Variants in CSMD1 observed in about 807,000 individuals in gnomAD.
CSMD1 encodes CUB and sushi domain-containing protein 1.
In CSMD1, 213 loss-of-function variants were observed where a neutral mutation model predicts 417.5. The ratio of observed to expected loss-of-function variants is 0.51; its 90% CI spans 0.46 to 0.57. CSMD1 has a LOEUF of 0.57. Ranked by LOEUF, CSMD1 falls within the 20% of genes least tolerant of loss-of-function variation. The probability of loss-of-function intolerance (pLI) is 0.00; values close to 1 mark genes in which losing one functional copy is unlikely to be tolerated. For missense variants in CSMD1, 6,923 were observed against 4,529.7 expected (o/e 1.53, Z -15.17); for synonymous variants, 2,862 against 1,736.8 (o/e 1.65, Z -16.11).
intron 3 of CSMD1, among the ~76,000 whole-genome samples, chr8:4,251,196 G>C (rs909601568): frequency 6.6e-6 from 1 of 152,034 alleles, no homozygotes; most frequent in South Asian, 2.1e-4. Flanking sequence ...AAGTGAACAA[G>C]TTTACAATAA....
At chr8:4,622,614 C>T (rs1235163179) in intron 2 of CSMD1, among the ~76,000 whole-genome samples, 1 of 152,144 alleles carries the variant, frequency 6.6e-6, no homozygotes, top group Middle Eastern at 3.2e-3. Flanking sequence ...AATTACAAAG[C>T]AGAGGAAAGA....
rs1325223065 is a variant in CSMD1, at chr8:3,412,071, CATATATACAT to C, written c.1562-2476_1562-2467del. ...ACGTATATATACACACGTATATATA[CATATATACAT>C]ATATATACACACGTATATATACATA... On this transcript the variant is annotated intron_variant, in intron 12 of 69. Coordinates refer to ENST00000635120, the MANE Select transcript of CSMD1 (RefSeq NM_033225.6). Among the ~76,000 whole-genome samples, 2 of 51,212 alleles carry C rather than the reference CATATATACAT, an allele frequency of 3.9e-5. 1 individual carries two copies. The highest frequency in any genetic ancestry group is 1.8e-4 in the African/African-American group (2 of 11,362). The allele number at this position is 51,212 out of a possible 152,430, so 33.6% of individuals were successfully genotyped here.
At chr8:3,753,448 G>A (rs752423404) in intron 6 of CSMD1, among the ~76,000 whole-genome samples, 17 of 152,164 alleles carry the variant, frequency 1.1e-4, no homozygotes, top group Non-Finnish European at 2.2e-4. Flanking sequence ...TCAGCTGCAG[G>A]AAATCCAGAA....
intron 3 of CSMD1, among the ~76,000 whole-genome samples, chr8:4,284,813 T>C (rs945040953): frequency 4.6e-5 from 7 of 152,046 alleles, no homozygotes; most frequent in Non-Finnish European, 1.0e-4. Flanking sequence ...AACTTCAATA[T>C]ATGTGGCCGT....
chr8:4,558,916 A>C (rs991317549), intron 2 of CSMD1, among the ~76,000 whole-genome samples: 2 of 69,236 alleles, frequency 2.9e-5, no homozygotes, highest in Admixed American at 4.2e-4. Context: ...AAAAATAGAG[A>C]TTTCAACTGA....
chr8:3,524,551 GCACA>G (rs375419147), intron 10 of CSMD1, among the ~76,000 whole-genome samples: 2 of 142,694 alleles, frequency 1.4e-5, no homozygotes, highest in African/African-American at 2.6e-5. Flanking sequence ...GCACACACAT[GCACA>G]CACACATGCA....
chr8:3,756,707 C>T (rs12543111), intron 5 of CSMD1, among the ~76,000 whole-genome samples: 30,664 of 152,102 alleles, frequency 0.2, 3,528 homozygotes, highest in South Asian at 0.3. Context: ...TTCACAACCG[C>T]AATCAATGCT....
intron 20 of CSMD1, among the ~76,000 whole-genome samples, chr8:3,361,177 A>G (rs941732142): frequency 6.6e-6 from 1 of 152,206 alleles, no homozygotes; most frequent in African/African-American, 2.4e-5. Flanking sequence ...ACATTAATTG[A>G]CAACCTATCA....
At chr8:3,394,996 T>C (rs556450872) in intron 17 of CSMD1, among the ~76,000 whole-genome samples, 2 of 152,290 alleles carry the variant, frequency 1.3e-5, no homozygotes, top group East Asian at 3.9e-4. Flanking sequence ...TATATGAGTA[T>C]GTAAAACCGA....
chr8:3,956,669 T>C (rs566779336), intron 5 of CSMD1, among the ~76,000 whole-genome samples: 3 of 152,208 alleles, frequency 2.0e-5, no homozygotes, highest in East Asian at 3.9e-4. Flanking sequence ...CTGAAAATTA[T>C]GAGTTACTAC....
intron 26 of CSMD1, among the ~76,000 whole-genome samples, chr8:3,280,883 C>G (rs531942686): frequency 1.3e-5 from 2 of 152,024 alleles, no homozygotes; most frequent in Non-Finnish European, 2.9e-5. Context: ...GAAAGATGTT[C>G]TCTGAAGAGA....
chr8:4,899,010 G>C (rs545548113), intron 1 of CSMD1, among the ~76,000 whole-genome samples: 11 of 152,112 alleles, frequency 7.2e-5, no homozygotes, highest in East Asian at 1.9e-4. Context: ...AAAAGTGAGA[G>C]TTTTATGCTA....
chr8:3,554,366 G>T (rs1388282351), intron 10 of CSMD1, among the ~76,000 whole-genome samples: 1 of 152,222 alleles, frequency 6.6e-6, no homozygotes, highest in Non-Finnish European at 1.5e-5. Flanking sequence ...GGCGAGGGCT[G>T]TGAACCAATT....
intron 12 of CSMD1, among the ~76,000 whole-genome samples, chr8:3,422,064 C>A (rs1040296155): frequency 6.7e-6 from 1 of 148,310 alleles, no homozygotes; most frequent in Non-Finnish European, 1.5e-5. Flanking sequence ...GATGTCCTAG[C>A]GTGGATTCTA....
chr8:3,534,920 T>C (rs1279461408), intron 10 of CSMD1, among the ~76,000 whole-genome samples: 3 of 152,170 alleles, frequency 2.0e-5, no homozygotes, highest in Non-Finnish European at 4.4e-5. Context: ...AAGTAAAAGA[T>C]AGCCAGGGTT....
intron 1 of CSMD1, among the ~76,000 whole-genome samples, chr8:4,741,778 T>C (rs1750188539): frequency 6.6e-6 from 1 of 152,098 alleles, no homozygotes; most frequent in Non-Finnish European, 1.5e-5. Context: ...ACCTGCAGGA[T>C]GCAAATCTGC....
intron 1 of CSMD1, among the ~76,000 whole-genome samples, chr8:4,786,526 G>C (rs569240257): frequency 4.6e-5 from 7 of 152,244 alleles, no homozygotes; most frequent in African/African-American, 1.7e-4. Flanking sequence ...GTGGTTGGTA[G>C]TTTTCTGCTT....
intron 2 of CSMD1, among the ~76,000 whole-genome samples, chr8:4,557,067 G>A (rs1278924302): frequency 6.6e-6 from 1 of 152,106 alleles, no homozygotes; most frequent in African/African-American, 2.4e-5. Flanking sequence ...TCACTTATGG[G>A]TCATGAAACA....
intron 3 of CSMD1, among the ~76,000 whole-genome samples, chr8:4,259,153 C>G (rs150086661): frequency 2.6e-5 from 4 of 152,288 alleles, no homozygotes; most frequent in South Asian, 2.1e-4. Flanking sequence ...TCCAAACTAT[C>G]TCACACACGA....
Sources: allele counts gnomAD v4.1 joint callset (sites outside exome capture counted in the v4.1 genomes callset), GRCh38; gene constraint gnomAD v4.1.1; transcripts MANE v1.5; gene names NCBI Gene and HGNC (gene_info 2026-07-23, HGNC 2026-07-21).